ASAP2: variants seen among roughly 807,000 people sequenced by gnomAD.
ASAP2 encodes the protein arf-GAP with SH3 domain, ANK repeat and PH domain-containing protein 2.
A neutral mutation model predicts 131.4 loss-of-function variants in ASAP2; 45 were observed. The observed-to-expected ratio is 0.34, with a 90% CI of 0.27 to 0.44. The LOEUF is 0.44. ASAP2 is among the 20% of genes least tolerant of loss of function. The pLI is 1.00. For synonymous variants in ASAP2, 510 were observed against 503.0 expected, an observed-to-expected ratio of 1.01 and a Z score of -0.19; for missense variants, 1,011 against 1,297.0, an observed-to-expected ratio of 0.78 and a Z score of 3.39.
chr2:9,305,435 G>A (rs369601941), intron 3 of ASAP2, among the ~76,000 whole-genome samples: 2 of 140,494 alleles, frequency 1.4e-5, no homozygotes, highest in African/African-American at 2.7e-5. Context: ...AGAGGCTGTA[G>A]TAGTGGGGTA....
intron 5 of ASAP2, 123 bp from the exon 6 acceptor site, chr2:9,322,998 G>C: frequency 8.4e-7 from 1 of 1,184,578 alleles, no homozygotes; most frequent in Non-Finnish European, 1.2e-6. Flanking sequence ...TTGAGAGGCT[G>C]CCTGTGCTGA....
intron 24 of ASAP2, among the ~76,000 whole-genome samples, chr2:9,395,092 C>T (rs1179063150): frequency 1.3e-5 from 2 of 152,190 alleles, no homozygotes; most frequent in Non-Finnish European, 2.9e-5. Flanking sequence ...TTCCGCCATA[C>T]GTCACTGCTC....
intron 5 of ASAP2, among the ~76,000 whole-genome samples, chr2:9,322,856 G>A (rs971776086): frequency 1.3e-5 from 2 of 152,200 alleles, no homozygotes; most frequent in African/African-American, 4.8e-5. Context: ...AGCCCTCCAA[G>A]CCCTGTGCAG....
rs143359879 is a variant in ASAP2, at chr2:9,291,059, T to A, written c.200-6241T>A. Among the ~76,000 whole-genome samples the A allele has an allele frequency of 1.2e-4, 18 of 152,360 alleles. No homozygotes were observed. The East Asian group carries it at 2.9e-3, about 24-fold the overall frequency. On this transcript the variant is annotated intron_variant, in intron 2 of 27. Coordinates refer to ENST00000281419, the MANE Select transcript of ASAP2 (RefSeq NM_003887.3). ...TGTCCTCCCTTTTTTAAACTTGGCT[T>A]TCTGCTCCTACCATATTCCTATATC...
At chr2:9,236,167 C>T (rs555867284) in intron 1 of ASAP2, among the ~76,000 whole-genome samples, 1 of 151,790 alleles carries the variant, frequency 6.6e-6, no homozygotes, top group African/African-American at 2.4e-5. Flanking sequence ...TCCTTGGCAC[C>T]TGGACTGCTT....
intron 24 of ASAP2, chr2:9,398,837 C>CTAA (rs1676395077): frequency 6.6e-6 from 1 of 151,964 alleles, no homozygotes; most frequent in Non-Finnish European, 1.5e-5. Flanking sequence ...TTCACAAAGC[C>CTAA]TAAAAAGTTT....
chr2:9,253,936 G>A (rs888552070), intron 1 of ASAP2, among the ~76,000 whole-genome samples: 3 of 151,770 alleles, frequency 2.0e-5, no homozygotes, highest in Non-Finnish European at 2.9e-5. Context: ...GGCCGGGCAC[G>A]GTGGCTCATG....
At chr2:9,323,095 T>C (rs766091685) in intron 5 of ASAP2, 26 bp from the exon 6 acceptor site, 3 of 1,613,732 alleles carry the variant, frequency 1.9e-6, no homozygotes, top group Admixed American at 1.7e-5. Flanking sequence ...ACAGGCATCT[T>C]GATGTATCCT....
At chr2:9,230,336 C>T (rs1026631803) in intron 1 of ASAP2, among the ~76,000 whole-genome samples, 17 of 152,246 alleles carry the variant, frequency 1.1e-4, no homozygotes, top group South Asian at 2.1e-4. Context: ...AGAGGGGCTG[C>T]GTGGGCCTGC....
At chr2:9,297,969 T>A (rs966876634) in intron 3 of ASAP2, among the ~76,000 whole-genome samples, 7 of 151,018 alleles carry the variant, frequency 4.6e-5, no homozygotes, top group Non-Finnish European at 9.0e-5. Flanking sequence ...GCGGTGCTGG[T>A]GCCTGCTGCC....
intron 1 of ASAP2, among the ~76,000 whole-genome samples, chr2:9,238,751 T>TA (rs1663732724): frequency 6.6e-6 from 1 of 152,210 alleles, no homozygotes; most frequent in Non-Finnish European, 1.5e-5. Context: ...TGATGAATCT[T>TA]ACAAATGTAC....
At chr2:9,298,795 T>C (rs1446845199) in intron 3 of ASAP2, among the ~76,000 whole-genome samples, 1 of 152,218 alleles carries the variant, frequency 6.6e-6, no homozygotes, top group African/African-American at 2.4e-5. Flanking sequence ...GGATAAGCCC[T>C]TTCCATGCAC....
chr2:9,272,232 C>A (rs1666449026), intron 1 of ASAP2, among the ~76,000 whole-genome samples: 1 of 152,124 alleles, frequency 6.6e-6, no homozygotes, highest in Non-Finnish European at 1.5e-5. Flanking sequence ...TTATTGCCTG[C>A]CTTTTGCCTA....
chr2:9,335,604 G>C (rs975864874), intron 9 of ASAP2, among the ~76,000 whole-genome samples: 1 of 152,192 alleles, frequency 6.6e-6, no homozygotes, highest in Non-Finnish European at 1.5e-5. Flanking sequence ...CCCTGAGATT[G>C]TGTTCTATAA....
chr2:9,207,303 G>A lies in ASAP2; in HGVS notation c.126+73G>A, dbSNP rs1011481299. On this transcript the variant is annotated intron_variant, in intron 1 of 27. Transcript: ENST00000281419. This position sits in a 1 kb window ranked among gnomAD's most constrained non-coding sequence, Gnocchi z 4.1. Reference sequence around the variant, plus strand: ...AGCCCCGCCCGCCGCTCCCGCATCCGCATCCCGAGAAAACTTTCTTTGCTC... The same window carrying A: ...AGCCCCGCCCGCCGCTCCCGCATCCACATCCCGAGAAAACTTTCTTTGCTC... 24 of 1,438,976 alleles carry A rather than the reference G, an allele frequency of 1.7e-5. No homozygotes were observed. The Admixed American group carries it at 3.5e-4, about 21-fold the overall frequency. The allele number at this position is 1,438,976 out of a possible 1,614,324, so 89.1% of individuals were successfully genotyped here. A position where few individuals can be genotyped will look rare whatever the true frequency, so the allele number is the denominator to read the frequency against.
At chr2:9,384,098 C>A (rs1010951581) in intron 20 of ASAP2, among the ~76,000 whole-genome samples, 1 of 152,122 alleles carries the variant, frequency 6.6e-6, no homozygotes, top group Non-Finnish European at 1.5e-5. Flanking sequence ...ACCAACATGG[C>A]ACATTTGTAC....
chr2:9,341,288 C>G (rs555594424), intron 9 of ASAP2, among the ~76,000 whole-genome samples: 4 of 152,220 alleles, frequency 2.6e-5, no homozygotes, highest in Admixed American at 1.3e-4. Flanking sequence ...TGGGAGTCAC[C>G]TAGAGGATAC....
At chr2:9,337,948 A>G (rs923897102) in intron 9 of ASAP2, among the ~76,000 whole-genome samples, 7 of 152,148 alleles carry the variant, frequency 4.6e-5, no homozygotes, top group Non-Finnish European at 1.5e-5. Flanking sequence ...TGAGGATCGA[A>G]CTATGTACCA....
chr2:9,223,549 TA>T (rs1284597006), intron 1 of ASAP2, among the ~76,000 whole-genome samples: 1 of 152,190 alleles, frequency 6.6e-6, no homozygotes, highest in Non-Finnish European at 1.5e-5. Flanking sequence ...AGAAATTTGT[TA>T]ATTTTTTTTT....
Sources: allele counts gnomAD v4.1 joint callset (sites outside exome capture counted in the v4.1 genomes callset), GRCh38; gene constraint gnomAD v4.1.1; non-coding constraint Gnocchi (gnomAD v3.1); transcripts MANE v1.5; gene names NCBI Gene and HGNC (gene_info 2026-07-23, HGNC 2026-07-21).